Variants in ARHGAP42 observed in about 807,000 individuals in gnomAD.
ARHGAP42 encodes the protein Rho GTPase activating protein 42.
In ARHGAP42, 63 loss-of-function variants were observed where a neutral mutation model predicts 125.0. The ratio of observed to expected loss-of-function variants is 0.50; its 90% CI spans 0.41 to 0.62. The LOEUF is 0.62. ARHGAP42 is among the 20% of genes least tolerant of loss of function. The pLI is 0.00. For missense variants in ARHGAP42, 766 were observed against 1,024.2 expected (o/e 0.75, Z 3.44); for synonymous variants, 339 against 351.0 (o/e 0.97, Z 0.38).
intron 4 of ARHGAP42, among the ~76,000 whole-genome samples, chr11:100,896,839 T>C (rs1430557806): frequency 6.6e-6 from 1 of 152,224 alleles, no homozygotes; most frequent in African/African-American, 2.4e-5. Flanking sequence ...AGCTCTTTAG[T>C]TTAATTAGAT....
intron 1 of ARHGAP42, among the ~76,000 whole-genome samples, chr11:100,734,939 A>G (rs1862034793): frequency 6.6e-6 from 1 of 152,214 alleles, no homozygotes; most frequent in Non-Finnish European, 1.5e-5. Flanking sequence ...TTACACTGAT[A>G]ACAGATGCAG....
intron 8 of ARHGAP42, among the ~76,000 whole-genome samples, chr11:100,940,447 T>C (rs1867848535): frequency 6.6e-6 from 1 of 152,138 alleles, no homozygotes; most frequent in Non-Finnish European, 1.5e-5. Flanking sequence ...TGCAGGATAC[T>C]TGGCTTCCCT....
At chr11:100,885,223 G>T (rs535793254) in intron 4 of ARHGAP42, among the ~76,000 whole-genome samples, 175 of 152,290 alleles carry the variant, frequency 1.1e-3, no homozygotes, top group Middle Eastern at 6.8e-3. Flanking sequence ...GCCTGACAGG[G>T]TGTGGGACAA....
chr11:100,724,641 G>T (rs1861823467), intron 1 of ARHGAP42, among the ~76,000 whole-genome samples: 1 of 151,678 alleles, frequency 6.6e-6, no homozygotes, highest in African/African-American at 2.4e-5. Flanking sequence ...GTACCCAGGG[G>T]GATTAGTAGT....
chr11:100,862,507 A>G (rs935148118), intron 4 of ARHGAP42, among the ~76,000 whole-genome samples: 6 of 152,202 alleles, frequency 3.9e-5, no homozygotes, highest in African/African-American at 7.2e-5. Flanking sequence ...AAACATCTCA[A>G]TTGCAGAACA....
chr11:100,898,644 A>C (rs1450931529), intron 4 of ARHGAP42, among the ~76,000 whole-genome samples: 2 of 152,072 alleles, frequency 1.3e-5, no homozygotes, highest in Non-Finnish European at 2.9e-5. Flanking sequence ...TGTTTATAGT[A>C]TTCTCTGGTG....
chr11:100,966,438 G>A (rs1376679666), intron 17 of ARHGAP42, among the ~76,000 whole-genome samples: 1 of 152,092 alleles, frequency 6.6e-6, no homozygotes, highest in East Asian at 1.9e-4. Flanking sequence ...AGGCTGGCAG[G>A]GAAGAGTTGA....
rs111847719 is a variant in ARHGAP42 at position 100,906,442 on chromosome 11, T to C, written c.385-7010T>C. Reference sequence around the variant, plus strand: ...GTTCTGATTTCTGATGATTTTTATGTAAGCTCCATTTTCTTATGGGTTGCT... The same window carrying C: ...GTTCTGATTTCTGATGATTTTTATGCAAGCTCCATTTTCTTATGGGTTGCT... On this transcript the variant is annotated intron_variant, in intron 4 of 23. Coordinates refer to ENST00000298815, the MANE Select transcript of ARHGAP42 (RefSeq NM_152432.4). Among the ~76,000 whole-genome samples the C allele has an allele frequency of 8.3e-3, 1,268 of 152,344 alleles. 19 individuals are homozygous for C. Among genetic ancestry groups the C allele is most frequent in the African/African-American group, 0.029 (1,213 of 41,594 alleles).
At chr11:100,878,982 A>AC (rs1555016581) in intron 4 of ARHGAP42, among the ~76,000 whole-genome samples, 1 of 147,640 alleles carries the variant, frequency 6.8e-6, no homozygotes, top group Non-Finnish European at 1.5e-5. Context: ...GACATGAACA[A>AC]TTTTTTTTTT....
chr11:100,724,157 A>G (rs1003779300), intron 1 of ARHGAP42, among the ~76,000 whole-genome samples: 3 of 152,154 alleles, frequency 2.0e-5, no homozygotes, highest in African/African-American at 7.2e-5. Flanking sequence ...TCAGCCTTGC[A>G]TACCTATAAT....
chr11:100,807,778 G>A (rs902101577), intron 3 of ARHGAP42, among the ~76,000 whole-genome samples: 3 of 152,048 alleles, frequency 2.0e-5, no homozygotes, highest in Non-Finnish European at 2.9e-5. Context: ...AGTTTTATAC[G>A]TTTTACTTTG....
At chr11:100,970,792 T>C (rs925248110) in intron 17 of ARHGAP42, among the ~76,000 whole-genome samples, 2 of 152,118 alleles carry the variant, frequency 1.3e-5, no homozygotes, top group African/African-American at 4.8e-5. Context: ...TTGGCACCAA[T>C]ATTCTTGGCC....
At chr11:100,775,858 TA>T (rs1352719476) in intron 2 of ARHGAP42, among the ~76,000 whole-genome samples, 3 of 152,150 alleles carry the variant, frequency 2.0e-5, no homozygotes, top group African/African-American at 7.2e-5. Flanking sequence ...CTCTAGGTTT[TA>T]AAAAAATTTA....
At chr11:100,731,382 C>T (rs1383341618) in intron 1 of ARHGAP42, among the ~76,000 whole-genome samples, 1 of 152,158 alleles carries the variant, frequency 6.6e-6, no homozygotes, top group East Asian at 1.9e-4. Context: ...TGGTCTCGAT[C>T]TCTTGATCCA....
chr11:100,721,883 T>C (rs1269641796), intron 1 of ARHGAP42, among the ~76,000 whole-genome samples: 1 of 152,244 alleles, frequency 6.6e-6, no homozygotes, highest in Non-Finnish European at 1.5e-5. Flanking sequence ...GTTTTGGCAA[T>C]ATTGAATAAA....
In ARHGAP42 at chr11:100,976,127, T is replaced by C; in HGVS notation, c.1926T>C (p.Ser642=). The change falls in exon 20 of 24, where the codon TCT becomes TCC. Residue 642 remains serine (S), a synonymous_variant. Transcript: ENST00000298815. ...GSIESLSSHS[S]EQNSTTKSAS... Reference sequence around the variant, plus strand: ...TTGAGTCACTCTCTTCTCATTCCTCTGAACAAAATAGCACTACAAAGTCAG... The same window carrying C: ...TTGAGTCACTCTCTTCTCATTCCTCCGAACAAAATAGCACTACAAAGTCAG... The C allele has an allele frequency of 3.2e-6, 5 of 1,551,514 alleles. No homozygotes were observed. The South Asian group carries it at 3.6e-5, about 11-fold the overall frequency.
chr11:100,980,551 T>A (rs1823552302), intron 22 of ARHGAP42, among the ~76,000 whole-genome samples: 1 of 69,648 alleles, frequency 1.4e-5, no homozygotes, highest in Non-Finnish European at 2.5e-5. Context: ...ATACTTCTTT[T>A]TCTTCTTCTT....
At chr11:100,853,757 A>G (rs1300831883) in intron 3 of ARHGAP42, among the ~76,000 whole-genome samples, 3 of 152,118 alleles carry the variant, frequency 2.0e-5, no homozygotes, top group African/African-American at 7.2e-5. Flanking sequence ...TGATTTATAC[A>G]TTCAGCAGTA....
At position 100,896,843 on chromosome 11, in the gene ARHGAP42, A is replaced by G. The variant is rs1392240418; in HGVS notation, c.385-16609A>G. Among the ~76,000 whole-genome samples the G allele has an allele frequency of 3.9e-5, 6 of 152,232 alleles. 1 individual carries two copies. The East Asian group carries it at 1.2e-3, about 29-fold the overall frequency. ...TGCTGTGCAGAAGCTCTTTAGTTTAATTAGATGCCATTTGTCTATTTTGGC... is the reference window on the plus strand; with the variant it reads ...TGCTGTGCAGAAGCTCTTTAGTTTAGTTAGATGCCATTTGTCTATTTTGGC... On this transcript the variant is annotated intron_variant, in intron 4 of 23. Transcript: ENST00000298815.
Sources: allele counts gnomAD v4.1 joint callset (sites outside exome capture counted in the v4.1 genomes callset), GRCh38; gene constraint gnomAD v4.1.1; transcripts MANE v1.5; gene names NCBI Gene and HGNC (gene_info 2026-07-23, HGNC 2026-07-21).